SHTN1: variants seen among roughly 807,000 people sequenced by gnomAD.
The protein encoded by SHTN1 is shootin-1.
A neutral mutation model predicts 83.1 loss-of-function variants in SHTN1; 42 were observed. That is an observed-to-expected ratio of 0.51 (90% CI 0.39 to 0.65). The LOEUF (loss-of-function observed/expected upper bound fraction) is 0.65, where lower values mean the gene tolerates loss of function less well. SHTN1 is among the 30% of genes least tolerant of loss of function. The pLI is 0.00. For missense variants in SHTN1, 622 were observed against 737.8 expected (o/e 0.84, Z 1.82); for synonymous variants, 224 against 247.7 (o/e 0.90, Z 0.90).
At chr10:116,956,682 T>C (rs1223396820) in intron 4 of SHTN1, among the ~76,000 whole-genome samples, 1 of 152,112 alleles carries the variant, frequency 6.6e-6, no homozygotes, top group African/African-American at 2.4e-5. Context: ...AGACAACCAC[T>C]ACAATAATAC....
At chr10:117,102,416 C>T (rs760582231) in intron 1 of SHTN1, among the ~76,000 whole-genome samples, 1 of 152,036 alleles carries the variant, frequency 6.6e-6, no homozygotes, top group East Asian at 1.9e-4. Context: ...TCCAAATGTT[C>T]GGGGACTTAC....
At chr10:117,067,418 C>A (rs539845498) in intron 1 of SHTN1, among the ~76,000 whole-genome samples, 2 of 152,198 alleles carry the variant, frequency 1.3e-5, no homozygotes, top group African/African-American at 4.8e-5. Flanking sequence ...TGGGGGAAAC[C>A]CCGTCTCTAC....
At chr10:117,014,360 C>T (rs146127538) in intron 2 of SHTN1, among the ~76,000 whole-genome samples, 144 of 152,142 alleles carry the variant, frequency 9.5e-4, no homozygotes, top group African/African-American at 1.6e-3. Flanking sequence ...ACAAATAAAT[C>T]GAACCATATT....
At chr10:117,054,808 A>G (rs1479201410) in intron 1 of SHTN1, among the ~76,000 whole-genome samples, 1 of 152,140 alleles carries the variant, frequency 6.6e-6, no homozygotes, top group Non-Finnish European at 1.5e-5. Context: ...GAATCCACCT[A>G]TAGCGTGTAA....
chr10:116,983,614 G>C (rs983038286), intron 1 of SHTN1, among the ~76,000 whole-genome samples: 7 of 151,646 alleles, frequency 4.6e-5, no homozygotes, highest in Admixed American at 1.3e-4. Context: ...TAACTATTCT[G>C]GGGTAGAGCC....
rs1293166262 is a variant in SHTN1, at chr10:116,882,748, C to G, written c.*3596G>C. On this transcript the variant is annotated 3_prime_UTR_variant, in exon 17 of 17. Transcript: ENST00000355371. Reference sequence around the variant, plus strand: ...CTCATAACAGAGCCAACTCTTTATTCTCAAAGCTATGATTTGAAACTGGCT... The same window carrying G: ...CTCATAACAGAGCCAACTCTTTATTGTCAAAGCTATGATTTGAAACTGGCT... The G allele has an allele frequency of 6.6e-6, 1 of 152,148 alleles. No homozygotes were observed. The highest frequency in any genetic ancestry group is 1.5e-5 in the Non-Finnish European group (1 of 68,030). The allele number at this position is 152,148 out of a possible 1,614,324, so 9.4% of individuals were successfully genotyped here.
At chr10:117,034,072 TATC>T (rs1328662423) in intron 2 of SHTN1, among the ~76,000 whole-genome samples, 5 of 151,750 alleles carry the variant, frequency 3.3e-5, no homozygotes, top group African/African-American at 1.2e-4. Flanking sequence ...TCACAGCTGG[TATC>T]ATACTGAATG....
chr10:117,020,568 G>A (rs1852246211), intron 2 of SHTN1, among the ~76,000 whole-genome samples: 1 of 149,464 alleles, frequency 6.7e-6, no homozygotes, highest in South Asian at 2.1e-4. Flanking sequence ...ATAATGGGGA[G>A]AAGAAAGTCA....
At chr10:116,893,555 C>A (rs1342793108) in intron 16 of SHTN1, among the ~76,000 whole-genome samples, 2 of 125,642 alleles carry the variant, frequency 1.6e-5, no homozygotes, top group Non-Finnish European at 3.4e-5. Flanking sequence ...TTCCCTCCCC[C>A]TCCCTGATAG....
At chr10:116,913,993 A>G (rs1419817513) in intron 13 of SHTN1, among the ~76,000 whole-genome samples, 1 of 152,212 alleles carries the variant, frequency 6.6e-6, no homozygotes, top group African/African-American at 2.4e-5. Context: ...CTGCTTTCAG[A>G]TAATTGGCAC....
chr10:117,069,146 A>G (rs1449685864), intron 1 of SHTN1, among the ~76,000 whole-genome samples: 1 of 152,200 alleles, frequency 6.6e-6, no homozygotes, highest in East Asian at 1.9e-4. Context: ...GTGAGGTCTC[A>G]GAAGCCAAGG....
At chr10:116,916,468 G>A (rs1848387205) in intron 12 of SHTN1, among the ~76,000 whole-genome samples, 1 of 152,114 alleles carries the variant, frequency 6.6e-6, no homozygotes, top group African/African-American at 2.4e-5. Context: ...CAATATGGTG[G>A]GCACTCAACA....
chr10:117,111,325 G>A (rs1316512885), intron 1 of SHTN1, among the ~76,000 whole-genome samples: 3 of 151,660 alleles, frequency 2.0e-5, no homozygotes, highest in Non-Finnish European at 2.9e-5. Context: ...ATGGAGTCTC[G>A]TTCTGTTGCC....
chr10:117,029,296 AC>A (rs1236307097), intron 2 of SHTN1, among the ~76,000 whole-genome samples: 1 of 152,204 alleles, frequency 6.6e-6, no homozygotes, highest in Non-Finnish European at 1.5e-5. Context: ...GAAGAAACTA[AC>A]TTGTTTCTGA....
At chr10:116,935,523 T>C (rs931859597) in intron 9 of SHTN1, among the ~76,000 whole-genome samples, 4 of 152,204 alleles carry the variant, frequency 2.6e-5, no homozygotes, top group Admixed American at 2.6e-4. Context: ...GCTGACTTGA[T>C]TGTGGTAGAT....
Position 116,984,141 on chromosome 10 carries a change from C to A in SHTN1, c.59-4833G>T, listed in dbSNP as rs966863414. ...AAGTTCAGCATCCTAGGAAACCTCC[C>A]AGTCCCAGGGAGGCTAATCACTCTA... On this transcript the variant is annotated intron_variant, in intron 1 of 16. Transcript: ENST00000355371. Among the ~76,000 whole-genome samples, 5 of 152,256 alleles carry A rather than the reference C, an allele frequency of 3.3e-5. 1 individual carries two copies. In the South Asian group the frequency reaches 1.0e-3, roughly 32 times the overall value.
intron 12 of SHTN1, 84 bp from the exon 13 acceptor site, chr10:116,915,568 CTA>C (rs1221719583): frequency 1.3e-6 from 1 of 750,682 alleles, no homozygotes; most frequent in African/African-American, 1.8e-5. Context: ...AAAAATTACA[CTA>C]TGCAATTAAT....
At chr10:116,999,591 G>A (rs11197864) in intron 1 of SHTN1, among the ~76,000 whole-genome samples, 3,657 of 152,278 alleles carry the variant, frequency 0.024, 112 homozygotes, top group East Asian at 0.1. Context: ...TGTTTTCTAT[G>A]AGCATGTGTT....
intron 16 of SHTN1, chr10:116,900,730 T>A (rs1293375480): frequency 1.0e-6 from 1 of 984,108 alleles, no homozygotes; most frequent in Admixed American, 6.2e-5. Context: ...CATCTTTCTG[T>A]TAGAACTGTT....
Sources: allele counts gnomAD v4.1 joint callset (sites outside exome capture counted in the v4.1 genomes callset), GRCh38; gene constraint gnomAD v4.1.1; transcripts MANE v1.5; gene names NCBI Gene and HGNC (gene_info 2026-07-23, HGNC 2026-07-21).